The following CDH13 variants were observed in gnomAD, a reference collection of about 807,000 sequenced individuals.
CDH13 encodes the protein cadherin-13.
A neutral mutation model predicts 63.8 loss-of-function variants in CDH13; 24 were observed. The ratio of observed to expected loss-of-function variants is 0.38; its 90% CI spans 0.27 to 0.53. The LOEUF is 0.53. Among genes scored for constraint, CDH13 ranks in the 20% least tolerant of loss-of-function variants. The probability of loss-of-function intolerance (pLI) is 0.85; values close to 1 mark genes in which losing one functional copy is unlikely to be tolerated. For synonymous variants in CDH13, 503 were observed against 355.3 expected (o/e 1.42, Z -4.67); for missense variants, 1,049 against 903.1 (o/e 1.16, Z -2.07).
rs2043338 is a variant in CDH13 at position 82,643,930 on chromosome 16, C to A, written c.45+16793C>A. Among the ~76,000 whole-genome samples the A allele has an allele frequency of 4.3e-4, 65 of 151,882 alleles. 1 individual carries two copies. Among genetic ancestry groups the A allele is most frequent in the East Asian group, 7.8e-4 (4 of 5,132 alleles). ...CCCAGTTAATTAAAAAAAAAAAAAA[C>A]TTTAAGACAAGGTCTTGTTATGTTG... is the stretch of plus-strand genomic sequence containing the variant. On this transcript the variant is annotated intron_variant, in intron 1 of 13. Transcript: ENST00000567109.
intron 7 of CDH13, among the ~76,000 whole-genome samples, chr16:83,500,680 C>G (rs7205557): frequency 0.98 from 140,768 of 144,216 alleles, 68,797 homozygotes; most frequent in East Asian, 1. Context: ...TCAAGCAATT[C>G]TCGCACCTCA....
chr16:83,709,581 A>T (rs1243668377), intron 10 of CDH13, among the ~76,000 whole-genome samples: 1 of 152,250 alleles, frequency 6.6e-6, no homozygotes, highest in African/African-American at 2.4e-5. Flanking sequence ...CCCTGTAAAC[A>T]TGTATTTAAT....
chr16:83,750,305 G>A (rs1005286280), intron 11 of CDH13, among the ~76,000 whole-genome samples: 2 of 152,052 alleles, frequency 1.3e-5, no homozygotes, highest in African/African-American at 4.8e-5. Context: ...CAAAAAAAAA[G>A]AAAGAAATAG....
At position 83,344,990 on chromosome 16, in the gene CDH13, G is replaced by A. The variant is rs759648548; in HGVS notation, c.765G>A (p.Met255Ile). The A allele has an allele frequency of 2.3e-5, 37 of 1,613,810 alleles. No individual in the cohort carries two copies. The highest frequency in any genetic ancestry group is 3.1e-5 in the Non-Finnish European group (36 of 1,179,838). ...AAGGCCCCTACATCGGCCACGTCATGGAAGGGTCACCCACAGGTATGTCAC... is the reference window on the plus strand; with the variant it reads ...AAGGCCCCTACATCGGCCACGTCATAGAAGGGTCACCCACAGGTATGTCAC... ...FREGPYIGHV[M>I]EGSPTGTTVM... The change falls in exon 6 of 14, where the codon ATG becomes ATA. Residue 255 changes from methionine (M) to isoleucine (I), a missense_variant. By Grantham distance (10) the Met-to-Ile change is conservative. Coordinates refer to ENST00000567109, the MANE Select transcript of CDH13 (RefSeq NM_001257.5).
chr16:82,751,880 GATGTCTGA>G (rs1193342023), intron 1 of CDH13, among the ~76,000 whole-genome samples: 5 of 152,162 alleles, frequency 3.3e-5, no homozygotes, highest in Non-Finnish European at 4.4e-5. Context: ...TGAGTATAAG[GATGTCTGA>G]ATGTACAGAA....
At chr16:83,442,084 G>A (rs1279955032) in intron 6 of CDH13, among the ~76,000 whole-genome samples, 1 of 152,098 alleles carries the variant, frequency 6.6e-6, no homozygotes, top group Non-Finnish European at 1.5e-5. Flanking sequence ...CAGTCGGACC[G>A]GAGGAACACA....
intron 5 of CDH13, among the ~76,000 whole-genome samples, chr16:83,323,728 C>G (rs1227664972): frequency 1.3e-5 from 2 of 152,188 alleles, no homozygotes; most frequent in Non-Finnish European, 2.9e-5. Flanking sequence ...CAAAAAGTGA[C>G]CACCATAGTA....
intron 11 of CDH13, among the ~76,000 whole-genome samples, chr16:83,754,525 T>C (rs1032337570): frequency 2.6e-5 from 4 of 152,296 alleles, no homozygotes; most frequent in Middle Eastern, 3.4e-3. Flanking sequence ...TCATCTTGAA[T>C]TGTACTCCCA....
At chr16:83,560,505 G>T (rs2075684136) in intron 7 of CDH13, among the ~76,000 whole-genome samples, 1 of 152,200 alleles carries the variant, frequency 6.6e-6, no homozygotes, top group Non-Finnish European at 1.5e-5. Flanking sequence ...GAAAATGGTT[G>T]CAGGGGCTTG....
intron 1 of CDH13, among the ~76,000 whole-genome samples, chr16:82,704,436 T>C (rs74028561): frequency 0.018 from 2,695 of 152,350 alleles, 88 homozygotes; most frequent in African/African-American, 0.062. Context: ...TCATTCAGTA[T>C]GCACTGATGG....
At chr16:83,492,120 T>C (rs1316485815) in intron 7 of CDH13, among the ~76,000 whole-genome samples, 2 of 152,154 alleles carry the variant, frequency 1.3e-5, no homozygotes, top group Admixed American at 6.5e-5. Context: ...TGTTAAAATA[T>C]TGTCACGTAG....
intron 4 of CDH13, among the ~76,000 whole-genome samples, chr16:83,190,767 A>T (rs930609643): frequency 1.3e-5 from 2 of 152,240 alleles, no homozygotes; most frequent in Non-Finnish European, 2.9e-5. Flanking sequence ...TTATGAAGAC[A>T]AATCTTCAAA....
chr16:82,655,703 T>C lies in CDH13; in HGVS notation c.45+28566T>C, dbSNP rs187969142. Among the ~76,000 whole-genome samples, 172 of 152,312 alleles carry C rather than the reference T, an allele frequency of 1.1e-3. 2 individuals carry two copies. The East Asian group carries it at 0.024, about 21-fold the overall frequency. ...TTACCTCCTCCACAGGCTATTTTTT[T>C]CTTGTTTACATTTGTTAATTTTACA... On this transcript the variant is annotated intron_variant, in intron 1 of 13. Transcript: ENST00000567109.
chr16:82,840,682 C>G (rs1172320904), intron 1 of CDH13, among the ~76,000 whole-genome samples: 2 of 86,908 alleles, frequency 2.3e-5, no homozygotes, highest in African/African-American at 6.8e-5. Flanking sequence ...GAGAATCCAT[C>G]TCAAAAAAAA....
intron 1 of CDH13, among the ~76,000 whole-genome samples, chr16:82,840,704 A>AAG (rs1185556770): frequency 9.9e-5 from 15 of 151,428 alleles, no homozygotes; most frequent in Non-Finnish European, 2.2e-4. Context: ...AAAAAAAAAG[A>AAG]AAAAAACTTG....
In CDH13 at chr16:83,325,304, G is replaced by C. The variant is rs535427362; in HGVS notation, c.637-19558G>C. On this transcript the variant is annotated intron_variant, in intron 5 of 13. Coordinates refer to ENST00000567109, the MANE Select transcript of CDH13 (RefSeq NM_001257.5). ...AATGAATAAATAACAATGAGAGAGG[G>C]GGAGGGAGGAAGAGAAATTAGTTTA... 1.0e-3 allele frequency among the ~76,000 whole-genome samples: 159 copies of C among 152,266 alleles called. 1 individual carries two copies. Among genetic ancestry groups the C allele is most frequent in the African/African-American group, 3.6e-3 (151 of 41,554 alleles).
chr16:83,393,717 G>A (rs1270917707), intron 6 of CDH13, among the ~76,000 whole-genome samples: 1 of 152,064 alleles, frequency 6.6e-6, no homozygotes, highest in Non-Finnish European at 1.5e-5. Context: ...TGAATCCCCT[G>A]GTCAAGGAAC....
At chr16:83,081,842 C>A (rs2033277092) in intron 3 of CDH13, among the ~76,000 whole-genome samples, 1 of 152,000 alleles carries the variant, frequency 6.6e-6, no homozygotes, top group Admixed American at 6.5e-5. Context: ...CTCTTGTTGT[C>A]CAGGCTGGAG....
intron 1 of CDH13, among the ~76,000 whole-genome samples, chr16:82,842,329 G>A (rs953004921): frequency 1.3e-5 from 2 of 151,478 alleles, no homozygotes; most frequent in South Asian, 2.1e-4. Context: ...ACCAGTAGCT[G>A]CACCGAAGAG....
Sources: gnomAD v4.1 joint callset for allele counts (sites outside exome capture counted in the v4.1 genomes callset) on GRCh38, gnomAD v4.1.1 for gene constraint, MANE v1.5 for transcripts, NCBI Gene and HGNC (gene_info 2026-07-23, HGNC 2026-07-21) for gene names.